The following MTCL3 variants were observed in gnomAD, a reference collection of about 807,000 sequenced individuals.
MTCL3 encodes the protein microtubule cross-linking factor 3.
At chr6:127,486,102 C>G in the MTCL3 span, among the ~76,000 whole-genome samples, 1 of 152,112 alleles carries the variant, frequency 6.6e-6, no homozygotes, top group Non-Finnish European at 1.5e-5. Flanking sequence ...AGACTTTATC[C>G]TGTGGGCAAT....
chr6:127,505,504 T>C, the MTCL3 span, among the ~76,000 whole-genome samples: 1 of 152,124 alleles, frequency 6.6e-6, no homozygotes, highest in African/African-American at 2.4e-5. Context: ...ACAACACTCA[T>C]TGGGGTTTTT....
At chr6:127,516,159 G>A in the MTCL3 span, 8 of 1,441,986 alleles carry the variant, frequency 5.5e-6, no homozygotes, top group South Asian at 1.5e-5. Context: ...TCGAGGGCAC[G>A]GACTCTAGCT....
the MTCL3 span, among the ~76,000 whole-genome samples, chr6:127,477,599 G>A: frequency 6.6e-6 from 1 of 152,176 alleles, no homozygotes; most frequent in South Asian, 2.1e-4. Flanking sequence ...AAGGTGAGGA[G>A]AATAATGAGC....
the MTCL3 span, chr6:127,515,079 A>C: frequency 1.1e-5 from 18 of 1,597,556 alleles, no homozygotes; most frequent in African/African-American, 2.1e-4. This position sits in a 1 kb window ranked among gnomAD's most constrained non-coding sequence, Gnocchi z 4.3. Context: ...TGTCAAAATC[A>C]AACTCGCTTC....
the MTCL3 span, among the ~76,000 whole-genome samples, chr6:127,487,391 C>T: frequency 6.6e-6 from 1 of 152,098 alleles, no homozygotes; most frequent in Non-Finnish European, 1.5e-5. Context: ...AAGTGACATA[C>T]ACCACTTACT....
chr6:127,475,325 G>A, the MTCL3 span: 2 of 1,611,518 alleles, frequency 1.2e-6, no homozygotes, highest in Non-Finnish European at 1.7e-6. The surrounding 1 kb of genome is among the most constrained non-coding windows in gnomAD (Gnocchi z 7.3). Flanking sequence ...TCGGCGCCGC[G>A]GTCGTCCGCA....
At chr6:127,501,012 C>T in the MTCL3 span, among the ~76,000 whole-genome samples, 3 of 152,170 alleles carry the variant, frequency 2.0e-5, no homozygotes, top group South Asian at 2.1e-4. Flanking sequence ...CGGGGTTTCA[C>T]CATGTTAGCC....
the MTCL3 span, chr6:127,475,522 T>A: frequency 6.2e-7 from 1 of 1,613,142 alleles, no homozygotes; most frequent in Non-Finnish European, 8.5e-7. The surrounding 1 kb of genome is among the most constrained non-coding windows in gnomAD (Gnocchi z 7.3). Context: ...GGTGCTCGTG[T>A]CGGCGATGAG....
the MTCL3 span, among the ~76,000 whole-genome samples, chr6:127,493,369 T>C: frequency 2.6e-5 from 4 of 152,224 alleles, no homozygotes; most frequent in Non-Finnish European, 4.4e-5. Flanking sequence ...TATTAATTCA[T>C]TGATTCTAAT....
chr6:127,495,768 G>T, the MTCL3 span, among the ~76,000 whole-genome samples: 2 of 152,156 alleles, frequency 1.3e-5, no homozygotes, highest in Non-Finnish European at 2.9e-5. Flanking sequence ...AAATGTGATA[G>T]CCCACAATTA....
At chr6:127,508,675 C>T in the MTCL3 span, among the ~76,000 whole-genome samples, 1 of 152,132 alleles carries the variant, frequency 6.6e-6, no homozygotes, top group East Asian at 1.9e-4. Flanking sequence ...ATAAACAGTT[C>T]TCATCATCAT....
the MTCL3 span, chr6:127,516,036 G>C: frequency 1.3e-6 from 2 of 1,563,974 alleles, no homozygotes; most frequent in Non-Finnish European, 1.7e-6. Flanking sequence ...GCCAGCCCCT[G>C]GGCGGCGGCG....
At chr6:127,503,787 C>A in the MTCL3 span, among the ~76,000 whole-genome samples, 4 of 152,124 alleles carry the variant, frequency 2.6e-5, no homozygotes, top group Non-Finnish European at 5.9e-5. Flanking sequence ...TGGGGTGAGG[C>A]TGGAGTTACC....
the MTCL3 span, chr6:127,514,796 G>A: frequency 1.9e-5 from 31 of 1,590,288 alleles, no homozygotes; most frequent in African/African-American, 2.1e-4. Context: ...CCCCTGCCGC[G>A]CGCCATTGAG....
the MTCL3 span, among the ~76,000 whole-genome samples, chr6:127,493,932 G>T: frequency 5.9e-5 from 9 of 152,240 alleles, no homozygotes; most frequent in African/African-American, 2.2e-4. Context: ...AGAGTTATGT[G>T]AATTCTTTAT....
the MTCL3 span, chr6:127,514,814 G>T: frequency 1.2e-6 from 2 of 1,604,950 alleles, no homozygotes; most frequent in South Asian, 1.1e-5. Flanking sequence ...GAGCCCCCGC[G>T]CCGCAGACCT....
At chr6:127,475,333 G>A in the MTCL3 span, 100 of 1,612,024 alleles carry the variant, frequency 6.2e-5, no homozygotes, top group Admixed American at 1.6e-3. This position sits in a 1 kb window ranked among gnomAD's most constrained non-coding sequence, Gnocchi z 7.3. Flanking sequence ...GCGGTCGTCC[G>A]CAGACTTGGG....
the MTCL3 span, among the ~76,000 whole-genome samples, chr6:127,495,030 T>C: frequency 1.3e-5 from 2 of 151,950 alleles, no homozygotes; most frequent in Admixed American, 1.3e-4. Context: ...ACCCCGTCTC[T>C]ACTAAAAATA....
the MTCL3 span, chr6:127,512,861 T>C: frequency 9.4e-6 from 15 of 1,588,712 alleles, no homozygotes; most frequent in Admixed American, 3.5e-5. Context: ...TAAAAATACA[T>C]AGTACACCAT....
Sources: gnomAD v4.1 joint callset for allele counts (sites outside exome capture counted in the v4.1 genomes callset) on GRCh38, gnomAD v4.1.1 for gene constraint, Gnocchi (gnomAD v3.1) non-coding constraint, MANE v1.5 for transcripts, NCBI Gene and HGNC (gene_info 2026-07-23, HGNC 2026-07-21) for gene names.